The following SLCO1B3 variants were observed in gnomAD, a reference collection of about 807,000 sequenced individuals.
SLCO1B3 encodes liver-specific organic anion transporter 2.
Under a neutral mutation model 71.8 loss-of-function variants are expected in SLCO1B3, and 72 were observed. That is an observed-to-expected ratio of 1.00 (90% confidence interval 0.83 to 1.22). SLCO1B3 has a LOEUF of 1.22. SLCO1B3 is among the 50% of genes most tolerant of loss of function. The pLI is 0.00. For missense variants in SLCO1B3, 911 were observed against 819.7 expected, an observed-to-expected ratio of 1.11 and a Z score of -1.36; for synonymous variants, 298 against 278.4, an observed-to-expected ratio of 1.07 and a Z score of -0.70.
At chr12:20,844,593 A>T (rs1009560848) in intron 3 of SLCO1B3, among the ~76,000 whole-genome samples, 1 of 152,026 alleles carries the variant, frequency 6.6e-6, no homozygotes, top group African/African-American at 2.4e-5. Flanking sequence ...TCCATCTTGC[A>T]TTAATTGATA....
chr12:20,874,299 T>A (rs562020170), intron 8 of SLCO1B3, among the ~76,000 whole-genome samples: 1 of 152,302 alleles, frequency 6.6e-6, no homozygotes, highest in African/African-American at 2.4e-5. Context: ...TTGTATGGTA[T>A]AATACTGAGG....
chr12:20,888,952 C>G, intron 13 of SLCO1B3, among the ~76,000 whole-genome samples: 1 of 151,998 alleles, frequency 6.6e-6, no homozygotes. Flanking sequence ...TTTTATCATA[C>G]GCTTTTTGAA....
chr12:20,881,112 T>G (rs1423736667), intron 12 of SLCO1B3, 92 bp downstream of exon 12: 2 of 913,056 alleles, frequency 2.2e-6, no homozygotes, highest in Admixed American at 5.3e-5. Context: ...ATAACTAAGG[T>G]CTCCAATAAA....
chr12:20,815,626 T>C, intron 2 of SLCO1B3, 48 bp from the exon 3 acceptor site: 1 of 666,642 alleles, frequency 1.5e-6, no homozygotes, highest in Non-Finnish European at 2.6e-6. Flanking sequence ...TATTTTTAAA[T>C]TGTATATTGT....
Position 20,861,045 on chromosome 12 carries a change from A to T in SLCO1B3, c.388A>T (p.Asn130Tyr). ...YYRYSKETHI[N>Y]PSENSTSSLS... Reference sequence around the variant, plus strand: ...TAGGTATTCTAAAGAAACCCATATTAATCCATCAGAAAATTCAACATCAAG... The same window carrying T: ...TAGGTATTCTAAAGAAACCCATATTTATCCATCAGAAAATTCAACATCAAG... The change falls in exon 6 of 16, where the codon AAT becomes TAT. Residue 130 changes from asparagine (N) to tyrosine (Y), a missense_variant. Physicochemically the swap from Asn to Tyr is moderately radical, Grantham distance 143. Coordinates refer to ENST00000381545, the MANE Select transcript of SLCO1B3 (RefSeq NM_019844.4). 1 of 1,595,620 alleles carries T rather than the reference A, an allele frequency of 6.3e-7. No homozygotes were observed. Among genetic ancestry groups the T allele is most frequent in the Non-Finnish European group, 8.6e-7 (1 of 1,167,494 alleles).
chr12:20,912,025 T>G (rs1194388192), intron 15 of SLCO1B3, among the ~76,000 whole-genome samples: 1 of 152,180 alleles, frequency 6.6e-6, no homozygotes, highest in East Asian at 1.9e-4. Context: ...ATGATTGATT[T>G]AAGATATTCT....
At chr12:20,837,010 A>T (rs889503758) in intron 3 of SLCO1B3, among the ~76,000 whole-genome samples, 6 of 152,180 alleles carry the variant, frequency 3.9e-5, no homozygotes, top group Non-Finnish European at 2.9e-5. Flanking sequence ...CCTAATTCAG[A>T]TCATCAGTTT....
chr12:20,838,059 T>C (rs1864719884), intron 3 of SLCO1B3, among the ~76,000 whole-genome samples: 1 of 151,966 alleles, frequency 6.6e-6, no homozygotes, highest in Non-Finnish European at 1.5e-5. Context: ...AGAACTGATG[T>C]CCTTATTATT....
At chr12:20,852,980 G>A (rs1382600756) in intron 3 of SLCO1B3, among the ~76,000 whole-genome samples, 1 of 151,980 alleles carries the variant, frequency 6.6e-6, no homozygotes, top group African/African-American at 2.4e-5. Flanking sequence ...TGTTAGGAGT[G>A]GGCATCTTGT....
At chr12:20,862,730 A>C in intron 7 of SLCO1B3, 26 bp from the exon 8 acceptor site, 1 of 1,555,710 alleles carries the variant, frequency 6.4e-7, no homozygotes, top group Non-Finnish European at 8.8e-7. Context: ...GTGACATCTG[A>C]TTAAATTGTT....
intron 13 of SLCO1B3, among the ~76,000 whole-genome samples, chr12:20,891,799 C>T (rs374608572): frequency 5.3e-5 from 8 of 152,100 alleles, no homozygotes; most frequent in African/African-American, 1.9e-4. Flanking sequence ...GTTTATTCTG[C>T]TTGGTCTGGC....
chr12:20,874,668 A>G (rs968608179), intron 8 of SLCO1B3, among the ~76,000 whole-genome samples: 4 of 152,180 alleles, frequency 2.6e-5, no homozygotes, highest in Admixed American at 2.6e-4. Context: ...TTAGAGTCCA[A>G]TATTTCTGGG....
chr12:20,834,640 G>A (rs1864633662), intron 3 of SLCO1B3, among the ~76,000 whole-genome samples: 1 of 152,004 alleles, frequency 6.6e-6, no homozygotes, highest in South Asian at 2.1e-4. Context: ...TCAGTGCTCA[G>A]TGTGTATAAG....
intron 13 of SLCO1B3, 86 bp from the exon 14 acceptor site, chr12:20,898,350 G>T: frequency 1.2e-6 from 1 of 819,966 alleles, no homozygotes; most frequent in Non-Finnish European, 2.1e-6. Context: ...ACCAGGGAGA[G>T]GAATGATGCT....
intron 13 of SLCO1B3, among the ~76,000 whole-genome samples, chr12:20,891,198 T>C (rs559925565): frequency 1.3e-5 from 2 of 152,294 alleles, no homozygotes; most frequent in African/African-American, 4.8e-5. Flanking sequence ...AAGCCTTTCT[T>C]GTAGAGTCAG....
intron 4 of SLCO1B3, among the ~76,000 whole-genome samples, chr12:20,856,426 C>T (rs1036832444): frequency 8.6e-5 from 13 of 151,810 alleles, no homozygotes; most frequent in South Asian, 2.1e-4. Context: ...AAAAATGATG[C>T]GAATAAAAAC....
Position 20,879,437 on chromosome 12 carries a change from A to T in SLCO1B3, c.1137A>T (p.Gly379=), listed in dbSNP as rs1381704344. 1 of 1,576,928 alleles carries T rather than the reference A, an allele frequency of 6.3e-7. No individual in the cohort carries two copies. The highest frequency in any genetic ancestry group is 1.1e-5 in the South Asian group (1 of 87,994). The part of the protein sequence containing the change: ...QSASHANFLL[G]IITIPTVATG... ...TTTTTTCTCTTCTTTTATTTCTAGGAATCATAACCATTCCTACGGTTGCAA... is the reference window on the plus strand; with the variant it reads ...TTTTTTCTCTTCTTTTATTTCTAGGTATCATAACCATTCCTACGGTTGCAA... Residue 379 remains glycine (G), a splice_region_variant and synonymous_variant, in exon 11 of 16, where the codon GGA becomes GGT. Coordinates refer to ENST00000381545, the MANE Select transcript of SLCO1B3 (RefSeq NM_019844.4).
intron 3 of SLCO1B3, among the ~76,000 whole-genome samples, chr12:20,833,036 T>C (rs1282173935): frequency 6.6e-6 from 1 of 152,234 alleles, no homozygotes; most frequent in East Asian, 1.9e-4. Flanking sequence ...TGTTTCTTTC[T>C]GAAAATTCTA....
In SLCO1B3 at chr12:20,842,143, C is replaced by T. The variant is rs562045176; in HGVS notation, c.85-12885C>T. On this transcript the variant is annotated intron_variant, in intron 3 of 15. Coordinates refer to ENST00000381545, the MANE Select transcript of SLCO1B3 (RefSeq NM_019844.4). ...ACTCCTGACCTCGTGATCCACCTGC[C>T]TTGGCCTCACAAAGTGCTGGGATTA... Among the ~76,000 whole-genome samples, 6 of 152,236 alleles carry T rather than the reference C, an allele frequency of 3.9e-5. No individual in the cohort carries two copies. In the South Asian group the frequency reaches 6.2e-4, roughly 16 times the overall value.
Sources: allele counts gnomAD v4.1 joint callset (sites outside exome capture counted in the v4.1 genomes callset), GRCh38; gene constraint gnomAD v4.1.1; transcripts MANE v1.5; gene names NCBI Gene and HGNC (gene_info 2026-07-23, HGNC 2026-07-21).